The following PTPRD variants were observed in gnomAD, a reference collection of about 807,000 sequenced individuals.
PTPRD encodes the protein protein tyrosine phosphatase receptor type D.
Under a neutral mutation model 214.5 loss-of-function variants are expected in PTPRD, and 34 were observed. That is an observed-to-expected ratio of 0.16 (90% CI 0.12 to 0.21). PTPRD has a LOEUF of 0.21. Among genes scored for constraint, PTPRD ranks in the 10% least tolerant of loss-of-function variants. PTPRD has a pLI of 1.00. For synonymous variants in PTPRD, 1,128 were observed against 845.7 expected, an observed-to-expected ratio of 1.33 and a Z score of -5.79; for missense variants, 2,545 against 2,398.7, an observed-to-expected ratio of 1.06 and a Z score of -1.27.
intron 5 of PTPRD, among the ~76,000 whole-genome samples, chr9:9,917,302 G>GAAAAAAAA (rs140708788): frequency 1.7e-3 from 37 of 21,202 alleles, no homozygotes; most frequent in African/African-American, 1.9e-3. Context: ...TAGCTAGACT[G>GAAAAAAAA]AAAAAAAAAA....
At chr9:9,197,570 C>T (rs1307619638) in intron 9 of PTPRD, among the ~76,000 whole-genome samples, 4 of 152,164 alleles carry the variant, frequency 2.6e-5, no homozygotes, top group Non-Finnish European at 4.4e-5. Context: ...GCCACCACAC[C>T]CAGATGATTT....
chr9:10,113,382 T>A (rs1288434324), intron 3 of PTPRD, among the ~76,000 whole-genome samples: 1 of 152,228 alleles, frequency 6.6e-6, no homozygotes, highest in Non-Finnish European at 1.5e-5. Flanking sequence ...CAGGTACTTA[T>A]CATTCCCACA....
intron 8 of PTPRD, among the ~76,000 whole-genome samples, chr9:9,551,248 G>C (rs2080155053): frequency 6.6e-6 from 1 of 151,940 alleles, no homozygotes; most frequent in East Asian, 1.9e-4. Context: ...AGAAGGATCA[G>C]TAAATGCTTA....
At chr9:8,412,810 T>C (rs979537755) in intron 35 of PTPRD, among the ~76,000 whole-genome samples, 1 of 152,216 alleles carries the variant, frequency 6.6e-6, no homozygotes, top group African/African-American at 2.4e-5. Flanking sequence ...TGCCCATCTA[T>C]GTAATTTGCA....
At chr9:10,316,753 A>C (rs1308050530) in intron 3 of PTPRD, among the ~76,000 whole-genome samples, 4 of 152,090 alleles carry the variant, frequency 2.6e-5, no homozygotes, top group East Asian at 1.9e-4. Flanking sequence ...AGATTATTCT[A>C]ATCTAAAAAA....
intron 10 of PTPRD, among the ~76,000 whole-genome samples, chr9:9,062,844 AG>A (rs2099710097): frequency 6.6e-6 from 1 of 152,170 alleles, no homozygotes; most frequent in South Asian, 2.1e-4. Context: ...TTGCCATCCC[AG>A]GCAGCTCGTA....
At chr9:9,782,487 A>C (rs1050758394) in intron 5 of PTPRD, among the ~76,000 whole-genome samples, 2 of 152,204 alleles carry the variant, frequency 1.3e-5, no homozygotes, top group Admixed American at 1.3e-4. Flanking sequence ...CCAACTGATT[A>C]ACTGAGGAAA....
At chr9:8,575,462 T>G (rs1200717115) in intron 14 of PTPRD, among the ~76,000 whole-genome samples, 2 of 152,154 alleles carry the variant, frequency 1.3e-5, no homozygotes, top group East Asian at 3.9e-4. Context: ...GTGAACTCTT[T>G]GCCTGTTGCT....
In PTPRD at chr9:10,564,171, C is replaced by CTTTTTTTTTTTTTTTTTTTTTTTTTTTTT. The variant is rs71332760; in HGVS notation, c.-600+48226_-600+48227insAAAAAAAAAAAAAAAAAAAAAAAAAAAAA. ...GTGTGCACCACCACACTAGGCTATTCTTTTTTTTTTTTTTTTTTTTTTTTG... is the reference window on the plus strand; with the variant it reads ...GTGTGCACCACCACACTAGGCTATTCTTTTTTTTTTTTTTTTTTTTTTTTTTTTTTTTTTTTTTTTTTTTTTTTTTTTTG... On this transcript the variant is annotated intron_variant, in intron 2 of 45. Coordinates refer to ENST00000381196, the MANE Select transcript of PTPRD (RefSeq NM_002839.4). 1.4e-3 allele frequency among the ~76,000 whole-genome samples: 42 copies of CTTTTTTTTTTTTTTTTTTTTTTTTTTTTT among 29,408 alleles called. 11 individuals carry two copies. Among genetic ancestry groups the CTTTTTTTTTTTTTTTTTTTTTTTTTTTTT allele is most frequent in the Non-Finnish European group, 1.6e-3 (29 of 18,258 alleles). The allele number at this position is 29,408 out of a possible 152,430, so 19.3% of individuals were successfully genotyped here. A position where few individuals can be genotyped will look rare whatever the true frequency, so the allele number is the denominator to read the frequency against.
intron 9 of PTPRD, among the ~76,000 whole-genome samples, chr9:9,304,279 G>C (rs1956393602): frequency 6.6e-6 from 1 of 152,104 alleles, no homozygotes; most frequent in Non-Finnish European, 1.5e-5. Context: ...TGAATGGGGA[G>C]TCATAGGTGA....
chr9:9,134,710 A>G (rs1050414254), intron 10 of PTPRD, among the ~76,000 whole-genome samples: 1 of 152,022 alleles, frequency 6.6e-6, no homozygotes, highest in Admixed American at 6.6e-5. Flanking sequence ...AGCACTTTTC[A>G]TCATCTGACT....
chr9:8,818,712 G>A (rs2096975784), intron 11 of PTPRD, among the ~76,000 whole-genome samples: 1 of 152,182 alleles, frequency 6.6e-6, no homozygotes, highest in Non-Finnish European at 1.5e-5. Flanking sequence ...CAAGAGCACT[G>A]CTTCTTACGC....
At chr9:9,976,563 T>C (rs1193353246) in intron 4 of PTPRD, among the ~76,000 whole-genome samples, 1 of 151,212 alleles carries the variant, frequency 6.6e-6, no homozygotes, top group Non-Finnish European at 1.5e-5. Flanking sequence ...ATTTTTTGTA[T>C]TTTTAGTAGA....
chr9:8,956,746 A>T (rs2099133652), intron 11 of PTPRD, among the ~76,000 whole-genome samples: 1 of 151,782 alleles, frequency 6.6e-6, no homozygotes, highest in Admixed American at 6.6e-5. Context: ...CCTCTAAAAA[A>T]TCCCAATAAA....
chr9:10,005,468 G>T (rs2096454188), intron 4 of PTPRD, among the ~76,000 whole-genome samples: 1 of 152,066 alleles, frequency 6.6e-6, no homozygotes, highest in Admixed American at 6.6e-5. Context: ...GCAGAACATT[G>T]TCAAAATTAT....
At chr9:8,482,405 C>G (rs1238368338) in intron 30 of PTPRD, among the ~76,000 whole-genome samples, 1 of 152,006 alleles carries the variant, frequency 6.6e-6, no homozygotes, top group Non-Finnish European at 1.5e-5. Context: ...GACCACCTCC[C>G]AATAATTTTC....
At chr9:9,538,589 T>C (rs625165) in intron 8 of PTPRD, among the ~76,000 whole-genome samples, 57,372 of 151,684 alleles carry the variant, frequency 0.38, 11,145 homozygotes, top group African/African-American at 0.39. Flanking sequence ...AGTAATGCTA[T>C]GCTGCATACT....
intron 5 of PTPRD, among the ~76,000 whole-genome samples, chr9:9,788,615 G>C (rs868048423): frequency 6.6e-6 from 1 of 151,512 alleles, no homozygotes; most frequent in Non-Finnish European, 1.5e-5. Context: ...GGTGGTAATG[G>C]ATTTTATTTA....
intron 14 of PTPRD, among the ~76,000 whole-genome samples, chr9:8,613,399 G>A (rs2095514390): frequency 6.6e-6 from 1 of 152,026 alleles, no homozygotes; most frequent in South Asian, 2.1e-4. Flanking sequence ...TTCCTTCTGG[G>A]AAACAGAGCA....
Sources: gnomAD v4.1 joint callset for allele counts (sites outside exome capture counted in the v4.1 genomes callset) on GRCh38, gnomAD v4.1.1 for gene constraint, MANE v1.5 for transcripts, NCBI Gene and HGNC (gene_info 2026-07-23, HGNC 2026-07-21) for gene names.